Variants in MAP3K20 observed in about 807,000 individuals in gnomAD.
MAP3K20 encodes mitogen-activated protein kinase kinase kinase 20.
In MAP3K20, 40 loss-of-function variants were observed where a neutral mutation model predicts 85.7. The observed-to-expected ratio is 0.47, with a 90% confidence interval of 0.36 to 0.61. The LOEUF is 0.61. MAP3K20 is among the 20% of genes least tolerant of loss of function. The probability of loss-of-function intolerance (pLI) is 0.00; values close to 1 mark genes in which losing one functional copy is unlikely to be tolerated. For missense variants in MAP3K20, 817 were observed against 961.7 expected, an observed-to-expected ratio of 0.85 and a Z score of 1.99; for synonymous variants, 325 against 327.7, an observed-to-expected ratio of 0.99 and a Z score of 0.09.
intron 8 of MAP3K20, among the ~76,000 whole-genome samples, chr2:173,201,403 A>G (rs1691056330): frequency 6.6e-6 from 1 of 152,206 alleles, no homozygotes; most frequent in South Asian, 2.1e-4. Flanking sequence ...TTCTGGTAGC[A>G]TAATTTCTAT....
chr2:173,182,034 C>A (rs184886713), intron 3 of MAP3K20, among the ~76,000 whole-genome samples: 1 of 152,088 alleles, frequency 6.6e-6, no homozygotes, highest in South Asian at 2.1e-4. Context: ...GCTGTGATCA[C>A]ACCACTGCAC....
intron 11 of MAP3K20, chr2:173,222,303 A>C: frequency 1.0e-6 from 1 of 985,890 alleles, no homozygotes; most frequent in Non-Finnish European, 1.2e-6. Context: ...AGAAATACCT[A>C]AGTGCTGAGA....
chr2:173,231,570 A>G (rs1436055876), intron 12 of MAP3K20, among the ~76,000 whole-genome samples: 1 of 152,194 alleles, frequency 6.6e-6, no homozygotes, highest in Non-Finnish European at 1.5e-5. Context: ...CTTAAATAAA[A>G]TTCCAGAGTT....
chr2:173,193,867 T>TG (rs1190405102), intron 7 of MAP3K20, among the ~76,000 whole-genome samples: 1 of 152,202 alleles, frequency 6.6e-6, no homozygotes, highest in African/African-American at 2.4e-5. Flanking sequence ...GGTTTGGTTT[T>TG]GGAGGGATTT....
Position 173,146,355 on chromosome 2 carries a change from A to C in MAP3K20, c.160-23450A>C, listed in dbSNP as rs546724681. ...TATACATGCATACATGCACATATAC[A>C]GTGTACATGCACACTATTTTATTCA... On this transcript the variant is annotated intron_variant, in intron 2 of 19. Transcript: ENST00000375213. Among the ~76,000 whole-genome samples, 12 of 152,262 alleles carry C rather than the reference A, an allele frequency of 7.9e-5. 1 individual carries two copies. The South Asian group carries it at 2.5e-3, about 32-fold the overall frequency.
In MAP3K20 at chr2:173,188,424, CCTT is replaced by C. The variant is rs983141422; in HGVS notation, c.415+804_415+806del. Among the ~76,000 whole-genome samples, 31 of 152,138 alleles carry C rather than the reference CCTT, an allele frequency of 2.0e-4. 1 individual carries two copies. Among genetic ancestry groups the C allele is most frequent in the Admixed American group, 6.5e-5 (1 of 15,276 alleles). On this transcript the variant is annotated intron_variant, in intron 5 of 19. Transcript: ENST00000375213. ...ATTATTTACATGCTTTCTAAATGCT[CCTT>C]CTCAGTAAGGAGGAAGCGAACTATC...
intron 2 of MAP3K20, among the ~76,000 whole-genome samples, chr2:173,119,133 G>A (rs1688205619): frequency 6.6e-6 from 1 of 152,226 alleles, no homozygotes; most frequent in South Asian, 2.1e-4. Context: ...CTGAGGGAGA[G>A]CACTTAAGGG....
At chr2:173,200,264 C>T (rs910800381) in intron 8 of MAP3K20, among the ~76,000 whole-genome samples, 3 of 152,172 alleles carry the variant, frequency 2.0e-5, no homozygotes, top group African/African-American at 7.2e-5. Flanking sequence ...CATTTCACCT[C>T]ACAAATGGAG....
At chr2:173,234,990 A>G (rs1684613449) in intron 14 of MAP3K20, among the ~76,000 whole-genome samples, 1 of 152,220 alleles carries the variant, frequency 6.6e-6, no homozygotes, top group African/African-American at 2.4e-5. Flanking sequence ...GAATGGAGAG[A>G]AGGGGAAGAT....
At chr2:173,176,345 C>T (rs749389641) in intron 3 of MAP3K20, among the ~76,000 whole-genome samples, 4 of 151,870 alleles carry the variant, frequency 2.6e-5, no homozygotes, top group East Asian at 1.9e-4. Context: ...TAAAGCAATA[C>T]GTTTTTGTTC....
intron 4 of MAP3K20, 67 bp downstream of exon 4, chr2:173,183,022 T>A: frequency 8.1e-7 from 1 of 1,229,712 alleles, no homozygotes; most frequent in Non-Finnish European, 1.2e-6. Flanking sequence ...AATGGGGACT[T>A]AACATCAGAA....
rs148861794 is a variant in MAP3K20, at chr2:173,241,243, C to T, written c.1359+1747C>T. On this transcript the variant is annotated intron_variant, in intron 16 of 19. Transcript: ENST00000375213. ...ATTAAAAGAGTGGAACTGGGATGTCCGTAACACAAAGAAATGAGGTAATGG... is the reference window on the plus strand; with the variant it reads ...ATTAAAAGAGTGGAACTGGGATGTCTGTAACACAAAGAAATGAGGTAATGG... Among the ~76,000 whole-genome samples, 382 of 152,114 alleles carry T rather than the reference C, an allele frequency of 2.5e-3. 2 individuals carry two copies. Among genetic ancestry groups the T allele is most frequent in the African/African-American group, 8.9e-3 (368 of 41,482 alleles).
At chr2:173,217,075 TTAAG>T in intron 10 of MAP3K20, 36 bp from the exon 11 acceptor site, 3 of 1,425,818 alleles carry the variant, frequency 2.1e-6, no homozygotes, top group Non-Finnish European at 2.8e-6. Context: ...TTGATGTCTC[TTAAG>T]TAAAGTTGAG....
intron 2 of MAP3K20, among the ~76,000 whole-genome samples, chr2:173,105,324 A>G (rs1000389836): frequency 2.0e-5 from 3 of 152,184 alleles, no homozygotes; most frequent in Non-Finnish European, 4.4e-5. Context: ...CTGATTGGCC[A>G]TGGGCTGTGA....
intron 2 of MAP3K20, among the ~76,000 whole-genome samples, chr2:173,127,098 TACA>T (rs1258391434): frequency 2.0e-5 from 3 of 152,054 alleles, no homozygotes; most frequent in East Asian, 3.9e-4. Context: ...ACAAAATAAA[TACA>T]ACAAGGAAGA....
At chr2:173,097,775 C>G (rs963169268) in intron 2 of MAP3K20, among the ~76,000 whole-genome samples, 3 of 151,918 alleles carry the variant, frequency 2.0e-5, no homozygotes, top group African/African-American at 7.3e-5. Context: ...CAGGAACTAT[C>G]AATAATTTTT....
At chr2:173,158,478 A>G (rs1460315669) in intron 2 of MAP3K20, among the ~76,000 whole-genome samples, 1 of 152,228 alleles carries the variant, frequency 6.6e-6, no homozygotes, top group African/African-American at 2.4e-5. Context: ...ACAATACAAT[A>G]TCTCATTTTT....
At chr2:173,134,148 G>T (rs937138165) in intron 2 of MAP3K20, among the ~76,000 whole-genome samples, 1 of 149,432 alleles carries the variant, frequency 6.7e-6, no homozygotes, top group African/African-American at 2.5e-5. Flanking sequence ...ACCTCTGGTG[G>T]TAGGAATCTT....
At chr2:173,137,348 T>C (rs1292133032) in intron 2 of MAP3K20, among the ~76,000 whole-genome samples, 1 of 152,198 alleles carries the variant, frequency 6.6e-6, no homozygotes, top group East Asian at 1.9e-4. Flanking sequence ...GTAGTCACCT[T>C]GTTACTGAGA....
Sources: allele counts gnomAD v4.1 joint callset (sites outside exome capture counted in the v4.1 genomes callset), GRCh38; gene constraint gnomAD v4.1.1; transcripts MANE v1.5; gene names NCBI Gene and HGNC (gene_info 2026-07-23, HGNC 2026-07-21).